The following ASB18 variants were observed in gnomAD, a reference collection of about 807,000 sequenced individuals.
ASB18 encodes ankyrin repeat and SOCS box containing 18.
In ASB18, 33 loss-of-function variants were observed where a neutral mutation model predicts 33.4. The ratio of observed to expected loss-of-function variants is 0.99; its 90% confidence interval spans 0.75 to 1.32. The LOEUF (loss-of-function observed/expected upper bound fraction) is 1.32. Among genes scored for constraint, ASB18 ranks in the 40% most tolerant of loss-of-function variants. The pLI is 0.00. For missense variants in ASB18, 694 were observed against 655.5 expected, an observed-to-expected ratio of 1.06 and a Z score of -0.64; for synonymous variants, 295 against 307.6, an observed-to-expected ratio of 0.96 and a Z score of 0.43.
chr2:236,205,888 T>G lies in ASB18; in HGVS notation c.1101+8474A>C, dbSNP rs1298163415. Among the ~76,000 whole-genome samples the G allele has an allele frequency of 6.6e-6, 1 of 152,232 alleles. No homozygotes were observed. The highest frequency in any genetic ancestry group is 1.5e-5 in the Non-Finnish European group (1 of 68,044). On this transcript the variant is annotated intron_variant, in intron 4 of 5. Coordinates refer to ENST00000409749, the MANE Select transcript of ASB18 (RefSeq NM_212556.4). The surrounding 1 kb of genome is among the most constrained non-coding windows in gnomAD (Gnocchi z 5.4). Reference sequence around the variant, plus strand: ...GAAACATCTGAGTCCAGCCTGGTTTTTATTCCTTTATGAATAGCCTGTTTT... The same window carrying G: ...GAAACATCTGAGTCCAGCCTGGTTTGTATTCCTTTATGAATAGCCTGTTTT...
intron 4 of ASB18, among the ~76,000 whole-genome samples, chr2:236,198,501 G>A (rs537312541): frequency 6.6e-6 from 1 of 152,186 alleles, no homozygotes; most frequent in South Asian, 2.1e-4. Flanking sequence ...CCAAGTAGCT[G>A]GGACTACAGG....
Position 236,196,433 on chromosome 2 carries a change from G to T in ASB18, c.1102-48C>A. ...GCAGCGTAGGCCGACTGGGTTCTGGGTCTCAGTGGGGAAAGGGTGGGGGGT... is the reference window on the plus strand; with the variant it reads ...GCAGCGTAGGCCGACTGGGTTCTGGTTCTCAGTGGGGAAAGGGTGGGGGGT... On this transcript the variant is annotated intron_variant, in intron 4 of 5. Coordinates refer to ENST00000409749, the MANE Select transcript of ASB18 (RefSeq NM_212556.4). The surrounding 1 kb of genome is among the most constrained non-coding windows in gnomAD (Gnocchi z 5.6). The T allele has an allele frequency of 1.9e-6, 2 of 1,042,904 alleles. No individual in the cohort carries two copies. The highest frequency in any genetic ancestry group is 2.9e-6 in the Non-Finnish European group (2 of 685,544). 64.6% of individuals were successfully genotyped at this position (1,042,904 alleles called of 1,614,324 possible). A position where few individuals can be genotyped will look rare whatever the true frequency, so the allele number is the denominator to read the frequency against.
In ASB18 at chr2:236,231,896, TC is replaced by T. The variant is rs1343839094; in HGVS notation, c.596+5792del. Among the ~76,000 whole-genome samples the T allele has an allele frequency of 6.6e-6, 1 of 152,084 alleles. No homozygotes were observed. Among genetic ancestry groups the T allele is most frequent in the East Asian group, 1.9e-4 (1 of 5,196 alleles). ...AGAACTGCAAAGAGAAACAGACAAA[TC>T]CACAATTATACTTAGAGAGTTTGAC... On this transcript the variant is annotated intron_variant, in intron 3 of 5. Coordinates refer to ENST00000409749, the MANE Select transcript of ASB18 (RefSeq NM_212556.4). The surrounding 1 kb of genome is among the most constrained non-coding windows in gnomAD (Gnocchi z 5.5).
Position 236,241,351 on chromosome 2 carries a change from T to C in ASB18, c.257A>G (p.Asn86Ser), listed in dbSNP as rs560027825. 16 of 1,613,966 alleles carry C rather than the reference T, an allele frequency of 9.9e-6. No individual in the cohort carries two copies. Among genetic ancestry groups the C allele is most frequent in the South Asian group, 8.8e-5 (8 of 91,086 alleles). ...PLMDQFFQDA[N>S]VVFEINKDEM... ...ATCCTTATTGATCTCAAACACCACG[T>C]TGGCATCCTGGAAGAACTGGTCCAT... Residue 86 changes from asparagine (N) to serine (S), a missense_variant, in exon 2 of 6, where the codon AAC becomes AGC. Asn to Ser is a conservative substitution (Grantham distance 46). Transcript: ENST00000409749. The surrounding 1 kb of genome is among the most constrained non-coding windows in gnomAD (Gnocchi z 4.2).
rs2060519583 is a variant in ASB18, at chr2:236,223,065, T to C, written c.597-8199A>G. On this transcript the variant is annotated intron_variant, in intron 3 of 5. Coordinates refer to ENST00000409749, the MANE Select transcript of ASB18 (RefSeq NM_212556.4). This position sits in a 1 kb window ranked among gnomAD's most constrained non-coding sequence, Gnocchi z 4.6. ...CCCCCATCCCTGTTCCTGCTTTCAC[T>C]GTGTGGTGTGCCTGCTTGCTGTTTG... Among the ~76,000 whole-genome samples, 2 of 152,148 alleles carry C rather than the reference T, an allele frequency of 1.3e-5. No homozygotes were observed.
At chr2:236,258,722 G>T (rs1196944730) in intron 1 of ASB18, among the ~76,000 whole-genome samples, 1 of 152,096 alleles carries the variant, frequency 6.6e-6, no homozygotes, top group Non-Finnish European at 1.5e-5. Context: ...TTTCACATGT[G>T]TGCACATGTC....
intron 3 of ASB18, among the ~76,000 whole-genome samples, chr2:236,233,094 T>C (rs888459754): frequency 6.6e-6 from 1 of 152,142 alleles, no homozygotes; most frequent in Non-Finnish European, 1.5e-5. Context: ...TAACTCCTCA[T>C]GATCAAGTGT....
At chr2:236,218,012 A>T (rs6431441) in intron 3 of ASB18, among the ~76,000 whole-genome samples, 69,357 of 152,050 alleles carry the variant, frequency 0.46, 18,785 homozygotes, top group African/African-American at 0.77. Context: ...TAAAGAAAAA[A>T]TTTTTTTAAG....
chr2:236,232,333 G>T (rs1372153498), intron 3 of ASB18, among the ~76,000 whole-genome samples: 1 of 151,656 alleles, frequency 6.6e-6, no homozygotes, highest in African/African-American at 2.4e-5. Flanking sequence ...AAATTTGTGG[G>T]ATTCAGCTAA....
In ASB18 at chr2:236,196,484, G is replaced by A. The variant is rs921773168; in HGVS notation, c.1102-99C>T. 7.3e-6 allele frequency: 5 copies of A among 687,218 alleles called. No homozygotes were observed. The highest frequency in any genetic ancestry group is 1.1e-5 in the Non-Finnish European group (4 of 376,828). 42.6% of individuals were successfully genotyped at this position (687,218 alleles called of 1,614,324 possible). A position where few individuals can be genotyped will look rare whatever the true frequency, so the allele number is the denominator to read the frequency against. On this transcript the variant is annotated intron_variant, in intron 4 of 5. Coordinates refer to ENST00000409749, the MANE Select transcript of ASB18 (RefSeq NM_212556.4). This position sits in a 1 kb window ranked among gnomAD's most constrained non-coding sequence, Gnocchi z 5.6. ...GTGGGGGGATGCTCTCCCTAGCTGTGTGACCTCCCTACGCCCAAGCCACAC... is the reference window on the plus strand; with the variant it reads ...GTGGGGGGATGCTCTCCCTAGCTGTATGACCTCCCTACGCCCAAGCCACAC...
At chr2:236,218,520 C>T (rs371325051) in intron 3 of ASB18, among the ~76,000 whole-genome samples, 4 of 152,172 alleles carry the variant, frequency 2.6e-5, no homozygotes, top group South Asian at 4.1e-4. Context: ...AGAAATTGGC[C>T]GGATGTGGTG....
rs1419494398 is a variant in ASB18, at chr2:236,245,909, C to T, written c.206-4507G>A. On this transcript the variant is annotated intron_variant, in intron 1 of 5. Transcript: ENST00000409749. This position sits in a 1 kb window ranked among gnomAD's most constrained non-coding sequence, Gnocchi z 4.7. ...TGCTCTTATTCTTGGCCATCTGTTG[C>T]CTTTCACCCTTAGGGAAGAACACCA... Among the ~76,000 whole-genome samples the T allele has an allele frequency of 6.6e-6, 1 of 152,138 alleles. No individual in the cohort carries two copies. The highest frequency in any genetic ancestry group is 1.5e-5 in the Non-Finnish European group (1 of 68,018).
chr2:236,225,780 G>A lies in ASB18; in HGVS notation c.597-10914C>T, dbSNP rs978468161. Among the ~76,000 whole-genome samples, 1 of 149,180 alleles carries A rather than the reference G, an allele frequency of 6.7e-6. No homozygotes were observed. Among genetic ancestry groups the A allele is most frequent in the Non-Finnish European group, 1.5e-5 (1 of 67,404 alleles). On this transcript the variant is annotated intron_variant, in intron 3 of 5. Coordinates refer to ENST00000409749, the MANE Select transcript of ASB18 (RefSeq NM_212556.4). The surrounding 1 kb of genome is among the most constrained non-coding windows in gnomAD (Gnocchi z 5.1). ...TTCTGAATTCTGAAGCTTGCTGGTTGGAAGGAAGCACAGGTAATTTTTTTT... is the reference window on the plus strand; with the variant it reads ...TTCTGAATTCTGAAGCTTGCTGGTTAGAAGGAAGCACAGGTAATTTTTTTT...
intron 4 of ASB18, among the ~76,000 whole-genome samples, chr2:236,197,321 A>T (rs2060378809): frequency 6.6e-6 from 1 of 152,246 alleles, no homozygotes; most frequent in African/African-American, 2.4e-5. Context: ...TGTTTGTTTG[A>T]ATAATCATTC....
chr2:236,213,387 G>A lies in ASB18; in HGVS notation c.1101+975C>T, dbSNP rs1353125859. Among the ~76,000 whole-genome samples, 2 of 152,086 alleles carry A rather than the reference G, an allele frequency of 1.3e-5. No homozygotes were observed. Among genetic ancestry groups the A allele is most frequent in the Non-Finnish European group, 2.9e-5 (2 of 68,030 alleles). The stretch of plus-strand genomic sequence containing the variant: ...ACTTCTCGATGGTTCAGACCACTGA[G>A]AACACTGTACTTTTGAATATTAGCT... On this transcript the variant is annotated intron_variant, in intron 4 of 5. Coordinates refer to ENST00000409749, the MANE Select transcript of ASB18 (RefSeq NM_212556.4). The surrounding 1 kb of genome is among the most constrained non-coding windows in gnomAD (Gnocchi z 4.8).
Position 236,260,835 on chromosome 2 carries a change from G to T in ASB18, c.205+3306C>A, listed in dbSNP as rs533877814. On this transcript the variant is annotated intron_variant, in intron 1 of 5. Transcript: ENST00000409749. This position sits in a 1 kb window ranked among gnomAD's most constrained non-coding sequence, Gnocchi z 5.1. ...CTCCAAGCCTTTGATATGTCATCGT[G>T]CCAGTCTCTGAGGGGAGGCCCCAGC... Among the ~76,000 whole-genome samples the T allele has an allele frequency of 9.2e-5, 14 of 152,156 alleles. 1 individual carries two copies. The highest frequency in any genetic ancestry group is 1.9e-4 in the Non-Finnish European group (13 of 68,036).
At position 236,215,308 on chromosome 2, in the gene ASB18, G is replaced by A. The variant is rs1031968216; in HGVS notation, c.597-442C>T. On this transcript the variant is annotated intron_variant, in intron 3 of 5. Coordinates refer to ENST00000409749, the MANE Select transcript of ASB18 (RefSeq NM_212556.4). The surrounding 1 kb of genome is among the most constrained non-coding windows in gnomAD (Gnocchi z 7.2). ...CCCCCATCTAGCCCTTCTGGAAACCGCTCAGCTTTGTGAGGGTGTGAGGCA... is the reference window on the plus strand; with the variant it reads ...CCCCCATCTAGCCCTTCTGGAAACCACTCAGCTTTGTGAGGGTGTGAGGCA... Among the ~76,000 whole-genome samples, 15 of 152,082 alleles carry A rather than the reference G, an allele frequency of 9.9e-5. No homozygotes were observed. Among genetic ancestry groups the A allele is most frequent in the African/African-American group, 3.1e-4 (13 of 41,400 alleles).
rs895086554 is a variant in ASB18 at position 236,257,393 on chromosome 2, G to A, written c.205+6748C>T. On this transcript the variant is annotated intron_variant, in intron 1 of 5. Coordinates refer to ENST00000409749, the MANE Select transcript of ASB18 (RefSeq NM_212556.4). This position sits in a 1 kb window ranked among gnomAD's most constrained non-coding sequence, Gnocchi z 5.5. ...CGCTTCTCCTCCTGCCTGCCCTGCCGTGGGTGACCTCTCGCTTCCCATTTC... is the reference window on the plus strand; with the variant it reads ...CGCTTCTCCTCCTGCCTGCCCTGCCATGGGTGACCTCTCGCTTCCCATTTC... Among the ~76,000 whole-genome samples, 4 of 152,168 alleles carry A rather than the reference G, an allele frequency of 2.6e-5. No individual in the cohort carries two copies. The highest frequency in any genetic ancestry group is 7.2e-5 in the African/African-American group (3 of 41,442).
At chr2:236,246,071 G>A (rs934569361) in intron 1 of ASB18, among the ~76,000 whole-genome samples, 2 of 152,064 alleles carry the variant, frequency 1.3e-5, no homozygotes, top group Non-Finnish European at 2.9e-5. Context: ...AAGAAGACCT[G>A]GCCTGGCACA....
Sources: gnomAD v4.1 joint callset for allele counts (sites outside exome capture counted in the v4.1 genomes callset) on GRCh38, gnomAD v4.1.1 for gene constraint, Gnocchi (gnomAD v3.1) non-coding constraint, MANE v1.5 for transcripts, NCBI Gene and HGNC (gene_info 2026-07-23, HGNC 2026-07-21) for gene names.